The following AASDHPPT variants were observed in gnomAD, a reference collection of about 807,000 sequenced individuals.
AASDHPPT encodes L-aminoadipate-semialdehyde dehydrogenase-phosphopantetheinyl transferase.
Under a neutral mutation model 36.4 loss-of-function variants are expected in AASDHPPT, and 23 were observed. That is an observed-to-expected ratio of 0.63 (90% CI 0.45 to 0.89). The LOEUF is 0.89. AASDHPPT is among the 40% of genes least tolerant of loss of function. The probability of loss-of-function intolerance (pLI) is 0.00; values close to 1 mark genes in which losing one functional copy is unlikely to be tolerated. For synonymous variants in AASDHPPT, 115 were observed against 128.0 expected (o/e 0.90, Z 0.68); for missense variants, 377 against 378.2 (o/e 1.00, Z 0.03).
At chr11:106,084,576 C>T (rs761407651) in intron 2 of AASDHPPT, among the ~76,000 whole-genome samples, 4 of 151,974 alleles carry the variant, frequency 2.6e-5, no homozygotes, top group South Asian at 2.1e-4. Context: ...GGATTACAGG[C>T]GTGAGGTGTG....
At chr11:106,080,516 C>T (rs567484371) in intron 2 of AASDHPPT, among the ~76,000 whole-genome samples, 24 of 152,132 alleles carry the variant, frequency 1.6e-4, no homozygotes, top group Non-Finnish European at 3.1e-4. Context: ...CAATTTAATA[C>T]ATACTAAATA....
intron 4 of AASDHPPT, chr11:106,092,863 A>G (rs779851627): frequency 6.6e-6 from 1 of 152,218 alleles, no homozygotes; most frequent in Admixed American, 6.5e-5. Context: ...GTAGGCTGAT[A>G]TAAGTATTCT....
chr11:106,091,226 C>A, intron 3 of AASDHPPT, 90 bp from the exon 4 acceptor site: 4 of 1,103,840 alleles, frequency 3.6e-6, no homozygotes, highest in South Asian at 1.6e-5. Flanking sequence ...TGTAGTATAG[C>A]ATTGAAACTC....
At position 106,096,881 on chromosome 11, in the gene AASDHPPT, C is replaced by A; in HGVS notation, c.904C>A (p.Pro302Thr). Residue 302 changes from proline to threonine, a missense_variant, in exon 6 of 6, where the codon CCA (proline) becomes ACA (threonine). Transcript: ENST00000278618. Reference sequence around the variant, plus strand: ...CTGTTTTTGCTTCACAGAAGAAATTCCAATACGAAATGGTACAAAGTCATG... The same window carrying A: ...CTGTTTTTGCTTCACAGAAGAAATTACAATACGAAATGGTACAAAGTCATG... ...WDCFCFTEEI[P>T]IRNGTKS 1 of 1,609,456 alleles carries A rather than the reference C, an allele frequency of 6.2e-7. No homozygotes were observed. Among genetic ancestry groups the A allele is most frequent in the Non-Finnish European group, 8.5e-7 (1 of 1,178,336 alleles).
intron 2 of AASDHPPT, among the ~76,000 whole-genome samples, chr11:106,082,684 G>T (rs1184669976): frequency 6.6e-6 from 1 of 152,082 alleles, no homozygotes; most frequent in African/African-American, 2.4e-5. Context: ...TGCTGTGGAC[G>T]TGCAGGAGAG....
intron 2 of AASDHPPT, among the ~76,000 whole-genome samples, chr11:106,081,710 G>A (rs1861143073): frequency 6.6e-6 from 1 of 152,042 alleles, no homozygotes; most frequent in African/African-American, 2.4e-5. Flanking sequence ...AACTTGATGG[G>A]CAGTGTTGGC....
In AASDHPPT at chr11:106,098,645, A is replaced by G. The variant is rs1861346252; in HGVS notation, c.*1738A>G. The G allele has an allele frequency of 6.6e-6, 1 of 152,050 alleles. No homozygotes were observed. The highest frequency in any genetic ancestry group is 1.5e-5 in the Non-Finnish European group (1 of 67,960). The allele number at this position is 152,050 out of a possible 1,614,324, so 9.4% of individuals were successfully genotyped here. ...AGCATGAGTGTAATGGTGATATGAA[A>G]AACTTTGTCTTGTCATTATAATAAT... On this transcript the variant is annotated 3_prime_UTR_variant, in exon 6 of 6. Transcript: ENST00000278618.
chr11:106,094,359 A>G, intron 4 of AASDHPPT: 1 of 351,418 alleles, frequency 2.8e-6, no homozygotes, highest in Non-Finnish European at 5.1e-6. Flanking sequence ...GAATGTGCCT[A>G]CTAGGAAATA....
At chr11:106,089,285 A>G (rs947674488) in intron 2 of AASDHPPT, among the ~76,000 whole-genome samples, 7 of 152,166 alleles carry the variant, frequency 4.6e-5, no homozygotes, top group African/African-American at 1.7e-4. Flanking sequence ...GGTATCAGCT[A>G]TCATAAGAAT....
Position 106,097,551 on chromosome 11 carries a change from CAGTT to C in AASDHPPT, c.*645_*648del, listed in dbSNP as rs1357427837. 6.6e-6 allele frequency: 1 copy of C among 152,114 alleles called. No individual in the cohort carries two copies. Among genetic ancestry groups the C allele is most frequent in the African/African-American group, 2.4e-5 (1 of 41,418 alleles). 9.4% of individuals were successfully genotyped at this position (152,114 alleles called of 1,614,324 possible). A position where few individuals can be genotyped will look rare whatever the true frequency, so the allele number is the denominator to read the frequency against. ...AGACACACTTTTTTTGCCTTGACCT[CAGTT>C]GGTTTGTTTTGCCTTAGGCTATTCC... On this transcript the variant is annotated 3_prime_UTR_variant, in exon 6 of 6. Coordinates refer to ENST00000278618, the MANE Select transcript of AASDHPPT (RefSeq NM_015423.3).
In AASDHPPT at chr11:106,077,664, GT is replaced by G; in HGVS notation, c.-46del. On this transcript the variant is annotated 5_prime_UTR_variant, in exon 1 of 6. Coordinates refer to ENST00000278618, the MANE Select transcript of AASDHPPT (RefSeq NM_015423.3). ...AAGAAGGGGGTGGGGCCACGTTTGC[GT>G]CCGCGCCATCAGGCCCGAGATAGCG... The G allele has an allele frequency of 6.3e-7, 1 of 1,588,648 alleles. No homozygotes were observed. The highest frequency in any genetic ancestry group is 8.6e-7 in the Non-Finnish European group (1 of 1,163,586).
chr11:106,077,995 C>T (rs1360015462), intron 1 of AASDHPPT, 102 bp downstream of exon 1: 12 of 1,405,300 alleles, frequency 8.5e-6, no homozygotes, highest in Non-Finnish European at 1.1e-5. Context: ...CCGCGACCCT[C>T]TCGCTGTGGA....
chr11:106,093,192 A>G (rs1437232621), intron 4 of AASDHPPT: 1 of 152,176 alleles, frequency 6.6e-6, no homozygotes, highest in East Asian at 1.9e-4. Flanking sequence ...AGGCCAAGAC[A>G]CTGCCTCTAC....
chr11:106,096,233 T>G (rs1394337878), intron 5 of AASDHPPT, among the ~76,000 whole-genome samples: 2 of 152,180 alleles, frequency 1.3e-5, no homozygotes, highest in African/African-American at 4.8e-5. Context: ...TGGGTTCAAT[T>G]GTGAACAAGG....
At chr11:106,080,738 T>G (rs1378593049) in intron 2 of AASDHPPT, among the ~76,000 whole-genome samples, 2 of 152,224 alleles carry the variant, frequency 1.3e-5, no homozygotes, top group African/African-American at 4.8e-5. Flanking sequence ...CTTCCTAATT[T>G]CATAGTAAAA....
intron 2 of AASDHPPT, among the ~76,000 whole-genome samples, chr11:106,086,523 C>A (rs1382681895): frequency 1.3e-5 from 2 of 152,172 alleles, no homozygotes; most frequent in Non-Finnish European, 2.9e-5. Flanking sequence ...CACCCTTCAA[C>A]CCAGTAGAGT....
At chr11:106,087,287 A>C (rs973602234) in intron 2 of AASDHPPT, among the ~76,000 whole-genome samples, 4 of 152,184 alleles carry the variant, frequency 2.6e-5, no homozygotes, top group African/African-American at 9.7e-5. Flanking sequence ...TGTCTGGATA[A>C]GTTCCTGGAC....
intron 2 of AASDHPPT, among the ~76,000 whole-genome samples, chr11:106,081,249 C>G (rs1861136856): frequency 6.6e-6 from 1 of 152,210 alleles, no homozygotes; most frequent in African/African-American, 2.4e-5. Flanking sequence ...TACTCTTTCT[C>G]TTACCTGCTA....
chr11:106,079,323 A>T (rs941351425), intron 1 of AASDHPPT, 144 bp from the exon 2 acceptor site: 39 of 657,122 alleles, frequency 5.9e-5, no homozygotes, highest in Non-Finnish European at 9.4e-5. Context: ...CTTAAGTCTT[A>T]ATTAACGTGT....
Sources: allele counts gnomAD v4.1 joint callset (sites outside exome capture counted in the v4.1 genomes callset), GRCh38; gene constraint gnomAD v4.1.1; transcripts MANE v1.5; gene names NCBI Gene and HGNC (gene_info 2026-07-23, HGNC 2026-07-21).